The following PLCL1 variants were observed in gnomAD, a reference collection of about 807,000 sequenced individuals.
PLCL1 encodes the protein phospholipase C like 1 (inactive).
A neutral mutation model predicts 84.4 loss-of-function variants in PLCL1; 41 were observed. The ratio of observed to expected loss-of-function variants is 0.49; its 90% confidence interval spans 0.38 to 0.63. The LOEUF (loss-of-function observed/expected upper bound fraction) is 0.63, where lower values mean the gene tolerates loss of function less well. Among genes scored for constraint, PLCL1 ranks in the 30% least tolerant of loss-of-function variants. The probability of loss-of-function intolerance (pLI) is 0.00; values close to 1 mark genes in which losing one functional copy is unlikely to be tolerated. For synonymous variants in PLCL1, 490 were observed against 488.3 expected (o/e 1.00, Z -0.05); for missense variants, 1,206 against 1,367.8 (o/e 0.88, Z 1.87).
intron 1 of PLCL1, among the ~76,000 whole-genome samples, chr2:197,992,971 T>C (rs990337530): frequency 2.0e-5 from 3 of 152,230 alleles, no homozygotes. Context: ...TCTGTGAACA[T>C]AGGTATGCAA....
chr2:198,093,159 G>A (rs1693091395), intron 3 of PLCL1, among the ~76,000 whole-genome samples: 1 of 152,138 alleles, frequency 6.6e-6, no homozygotes, highest in Non-Finnish European at 1.5e-5. Flanking sequence ...TGAACTGGTG[G>A]AGCACAAAGG....
At chr2:198,134,046 T>C (rs1165004041) in intron 5 of PLCL1, among the ~76,000 whole-genome samples, 1 of 152,118 alleles carries the variant, frequency 6.6e-6, no homozygotes, top group Non-Finnish European at 1.5e-5. Context: ...ATAGGTAAGT[T>C]GATCAAGCCA....
At chr2:197,916,735 T>A (rs1413579636) in intron 1 of PLCL1, among the ~76,000 whole-genome samples, 1 of 151,876 alleles carries the variant, frequency 6.6e-6, no homozygotes. Context: ...TGGACTCTGA[T>A]GCCCGGTGCC....
chr2:198,123,941 C>G (rs546165477), intron 5 of PLCL1, among the ~76,000 whole-genome samples: 11 of 152,084 alleles, frequency 7.2e-5, no homozygotes, highest in African/African-American at 2.4e-4. Flanking sequence ...GAAACCAGTA[C>G]CTGGTGCCAA....
At chr2:198,075,181 G>C (rs540430562) in intron 1 of PLCL1, among the ~76,000 whole-genome samples, 128 of 152,284 alleles carry the variant, frequency 8.4e-4, no homozygotes, top group African/African-American at 3.0e-3. Context: ...TGCTGTGCAG[G>C]GGTCTCCTGA....
chr2:197,946,400 T>C (rs1574962900), intron 1 of PLCL1, among the ~76,000 whole-genome samples: 1 of 151,892 alleles, frequency 6.6e-6, no homozygotes, highest in African/African-American at 2.4e-5. Flanking sequence ...AGTTGGAAAA[T>C]GGCAAACAGT....
intron 1 of PLCL1, among the ~76,000 whole-genome samples, chr2:197,948,926 G>A (rs1689334093): frequency 6.6e-6 from 1 of 152,114 alleles, no homozygotes; most frequent in Non-Finnish European, 1.5e-5. Context: ...CTAGTCCCAT[G>A]TCTCTGATCA....
chr2:197,858,908 C>G (rs1030790508), intron 1 of PLCL1, among the ~76,000 whole-genome samples: 3 of 152,074 alleles, frequency 2.0e-5, no homozygotes, highest in African/African-American at 7.2e-5. Flanking sequence ...TGGCAGTTGT[C>G]AGGCTATTAG....
chr2:197,832,194 C>CA (rs1417048261), intron 1 of PLCL1, among the ~76,000 whole-genome samples: 2 of 151,910 alleles, frequency 1.3e-5, no homozygotes, highest in Admixed American at 6.6e-5. Context: ...AAAAACCCTT[C>CA]AAAAAATCAA....
intron 1 of PLCL1, among the ~76,000 whole-genome samples, chr2:198,012,004 C>G (rs1008990003): frequency 2.0e-5 from 3 of 152,032 alleles, no homozygotes; most frequent in Non-Finnish European, 4.4e-5. Flanking sequence ...GTCTGTAAGG[C>G]AGGTTCACTG....
At chr2:197,921,494 A>G (rs969224369) in intron 1 of PLCL1, among the ~76,000 whole-genome samples, 1 of 152,228 alleles carries the variant, frequency 6.6e-6, no homozygotes, top group Non-Finnish European at 1.5e-5. Flanking sequence ...TCAGGCGGAT[A>G]TAAGCTTTTA....
intron 1 of PLCL1, among the ~76,000 whole-genome samples, chr2:197,988,028 G>GT (rs1690254607): frequency 6.6e-6 from 1 of 152,150 alleles, no homozygotes. Context: ...AGAAACTGAG[G>GT]GAAAGAGCAG....
chr2:197,997,695 G>A lies in PLCL1; in HGVS notation c.241-86063G>A, dbSNP rs561411590. On this transcript the variant is annotated intron_variant, in intron 1 of 5. Coordinates refer to ENST00000428675, the MANE Select transcript of PLCL1 (RefSeq NM_006226.4). ...TTAGAACCTCAAGTGATGCATTATA[G>A]GTCTGAAGAAGCATGCCAATCATGA... Among the ~76,000 whole-genome samples the A allele has an allele frequency of 2.1e-4, 32 of 152,248 alleles. 1 individual carries two copies. Among genetic ancestry groups the A allele is most frequent in the African/African-American group, 7.7e-4 (32 of 41,546 alleles).
At chr2:198,077,807 C>T (rs1433695450) in intron 1 of PLCL1, among the ~76,000 whole-genome samples, 1 of 152,146 alleles carries the variant, frequency 6.6e-6, no homozygotes, top group Non-Finnish European at 1.5e-5. Flanking sequence ...AACTTCACTT[C>T]CCCTGATATT....
At chr2:197,940,189 T>C (rs1689131186) in intron 1 of PLCL1, among the ~76,000 whole-genome samples, 2 of 152,344 alleles carry the variant, frequency 1.3e-5, no homozygotes, top group South Asian at 4.1e-4. Context: ...GTCTAAAAAA[T>C]GAACAAAATA....
chr2:198,120,969 C>A (rs12472100), intron 5 of PLCL1, among the ~76,000 whole-genome samples: 53,344 of 151,780 alleles, frequency 0.35, 9,929 homozygotes, highest in East Asian at 0.54. Flanking sequence ...TCCATATCTT[C>A]GCCAGCATTT....
intron 1 of PLCL1, among the ~76,000 whole-genome samples, chr2:197,897,522 T>A (rs1465798545): frequency 6.6e-6 from 1 of 152,106 alleles, no homozygotes; most frequent in Admixed American, 6.5e-5. Flanking sequence ...ATCTAAAATA[T>A]CAGAATAATA....
intron 3 of PLCL1, among the ~76,000 whole-genome samples, chr2:198,098,442 A>G (rs747413291): frequency 3.3e-5 from 5 of 152,202 alleles, no homozygotes; most frequent in Non-Finnish European, 7.3e-5. Context: ...TTTATTACCA[A>G]CTTGCACTTG....
In PLCL1 at chr2:197,922,614, C is replaced by T. The variant is rs1157299257; in HGVS notation, c.240+117275C>T. Among the ~76,000 whole-genome samples, 7 of 140,946 alleles carry T rather than the reference C, an allele frequency of 5.0e-5. 1 individual carries two copies. The highest frequency in any genetic ancestry group is 1.1e-4 in the Non-Finnish European group (7 of 63,608). 92.5% of individuals were successfully genotyped at this position (140,946 alleles called of 152,430 possible). On this transcript the variant is annotated intron_variant, in intron 1 of 5. Coordinates refer to ENST00000428675, the MANE Select transcript of PLCL1 (RefSeq NM_006226.4). ...CCGGGCAGAGGCGCCCCTCACCTCC[C>T]GGACGGGGCGGCTGGCCGGGCAGGG...
Sources: allele counts gnomAD v4.1 joint callset (sites outside exome capture counted in the v4.1 genomes callset), GRCh38; gene constraint gnomAD v4.1.1; transcripts MANE v1.5; gene names NCBI Gene and HGNC (gene_info 2026-07-23, HGNC 2026-07-21).